MRTFA: variants seen among roughly 807,000 people sequenced by gnomAD.
The protein encoded by MRTFA is myocardin-related transcription factor A.
A neutral mutation model predicts 83.5 loss-of-function variants in MRTFA; 20 were observed. That is an observed-to-expected ratio of 0.24 (90% CI 0.17 to 0.35). The LOEUF (loss-of-function observed/expected upper bound fraction) is 0.35, where lower values mean the gene tolerates loss of function less well. Among genes scored for constraint, MRTFA ranks in the 10% least tolerant of loss-of-function variants. The pLI is 1.00. For missense variants in MRTFA, 1,200 were observed against 1,224.7 expected (o/e 0.98, Z 0.30); for synonymous variants, 659 against 541.2 (o/e 1.22, Z -3.02).
Position 40,410,944 on chromosome 22 carries a change from G to C in MRTFA, c.*446C>G, listed in dbSNP as rs2052507773. On this transcript the variant is annotated 3_prime_UTR_variant, in exon 15 of 15. Coordinates refer to ENST00000355630, the MANE Select transcript of MRTFA (RefSeq NM_020831.6). ...TGGCAGACACAGGGAATAGGGGGTA[G>C]AGGCCCAGGCTAATTTCTCCCTTCA... The C allele has an allele frequency of 4.2e-6, 1 of 235,562 alleles. No homozygotes were observed. The highest frequency in any genetic ancestry group is 5.7e-5 in the Admixed American group (1 of 17,684). 14.6% of individuals were successfully genotyped at this position (235,562 alleles called of 1,614,324 possible). A position where few individuals can be genotyped will look rare whatever the true frequency, so the allele number is the denominator to read the frequency against.
chr22:40,411,428 C>A lies in MRTFA; in HGVS notation c.3058G>T (p.Gly1020Cys). The change falls in exon 15 of 15, where the codon GGC becomes TGC. Residue 1020 changes from glycine (G) to cysteine (C), a missense_variant. Physicochemically the swap from Gly to Cys is radical, Grantham distance 159. Around this residue, in one of 2 missense-constraint regions of MRTFA, gnomAD observed 1,107 missense variants for 1,041.8 expected, o/e 1.06. Transcript: ENST00000355630. ...TCCCAGTGCAGCTGCAAATCATGGC[C>A]ATCGAGGAAGTCTGTGGAGAAGAGG... 6.3e-7 allele frequency: 1 copy of A among 1,577,310 alleles called. No homozygotes were observed. Among genetic ancestry groups the A allele is most frequent in the South Asian group, 1.1e-5 (1 of 87,990 alleles).
chr22:40,536,061 C>T (rs1448527385), intron 3 of MRTFA, among the ~76,000 whole-genome samples: 3 of 150,622 alleles, frequency 2.0e-5, no homozygotes, highest in South Asian at 2.1e-4. Context: ...GTAGGCCAAA[C>T]GGGAGGGTGG....
At chr22:40,452,276 G>A (rs1022548205) in intron 4 of MRTFA, among the ~76,000 whole-genome samples, 6 of 152,086 alleles carry the variant, frequency 3.9e-5, no homozygotes, top group African/African-American at 7.2e-5. Flanking sequence ...AAGCTATCGC[G>A]CCTGGCCTGA....
intron 3 of MRTFA, among the ~76,000 whole-genome samples, chr22:40,509,883 A>G (rs1821103842): frequency 1.3e-5 from 2 of 150,762 alleles, no homozygotes; most frequent in Admixed American, 6.6e-5. Flanking sequence ...ACATTTCTCA[A>G]TGACGCAGGC....
intron 4 of MRTFA, among the ~76,000 whole-genome samples, chr22:40,442,807 G>A (rs2053302237): frequency 1.3e-5 from 2 of 152,178 alleles, no homozygotes; most frequent in African/African-American, 4.8e-5. Flanking sequence ...TGGGGAGATA[G>A]CTGAGGCTAA....
intron 2 of MRTFA, among the ~76,000 whole-genome samples, chr22:40,554,800 C>T (rs1330238738): frequency 6.6e-6 from 1 of 152,202 alleles, no homozygotes; most frequent in African/African-American, 2.4e-5. Flanking sequence ...GCTCTCCAGA[C>T]CCCCGAATGG....
At chr22:40,463,147 C>T (rs907542472) in intron 4 of MRTFA, 74 bp downstream of exon 4, 4 of 1,267,864 alleles carry the variant, frequency 3.2e-6, no homozygotes, top group Non-Finnish European at 4.6e-6. Context: ...TTAGATGCTT[C>T]CCATGGCATA....
At chr22:40,586,900 CTGGTGCT>C in intron 2 of MRTFA, 1 of 433,488 alleles carries the variant, frequency 2.3e-6, no homozygotes, top group South Asian at 1.7e-5. Flanking sequence ...GCTGGTGCTG[CTGGTGCT>C]GCTGGTGCTG....
At chr22:40,552,041 G>A (rs962111256) in intron 3 of MRTFA, 65 bp downstream of exon 3, 7 of 396,868 alleles carry the variant, frequency 1.8e-5, no homozygotes, top group Non-Finnish European at 3.1e-5. Context: ...GTAAGAATCT[G>A]TAACATTATA....
At chr22:40,577,742 G>A (rs1273443518) in intron 2 of MRTFA, among the ~76,000 whole-genome samples, 2 of 151,810 alleles carry the variant, frequency 1.3e-5, no homozygotes. Context: ...GAGTAGCTGG[G>A]ATTACAGGCA....
intron 12 of MRTFA, among the ~76,000 whole-genome samples, chr22:40,417,995 T>C (rs2052722789): frequency 6.6e-6 from 1 of 152,084 alleles, no homozygotes; most frequent in South Asian, 2.1e-4. Context: ...CTGAGCTGGA[T>C]CCTGGCCAGA....
intron 3 of MRTFA, chr22:40,523,122 T>C (rs936278235): frequency 2.6e-4 from 38 of 146,660 alleles, no homozygotes; most frequent in African/African-American, 9.0e-4. Context: ...TGAAGAAAAA[T>C]GGCAAAAAAA....
intron 2 of MRTFA, among the ~76,000 whole-genome samples, chr22:40,579,945 A>G (rs746522914): frequency 1.3e-5 from 2 of 152,158 alleles, no homozygotes; most frequent in Admixed American, 1.3e-4. Context: ...CACTTTTAGT[A>G]AGAATTCATT....
At chr22:40,525,449 C>A (rs2054952023) in intron 3 of MRTFA, among the ~76,000 whole-genome samples, 1 of 151,810 alleles carries the variant, frequency 6.6e-6, no homozygotes, top group African/African-American at 2.4e-5. Flanking sequence ...TACAGTGAGC[C>A]GAGATCCCAC....
chr22:40,589,063 C>G (rs189723694), intron 2 of MRTFA, among the ~76,000 whole-genome samples: 5 of 152,086 alleles, frequency 3.3e-5, no homozygotes, highest in African/African-American at 1.2e-4. Flanking sequence ...GTGCCGAAAT[C>G]TTATATTCAA....
At chr22:40,610,729 A>G (rs1228019489) in intron 1 of MRTFA, among the ~76,000 whole-genome samples, 1 of 152,172 alleles carries the variant, frequency 6.6e-6, no homozygotes, top group African/African-American at 2.4e-5. Context: ...TATTAGATAC[A>G]TAAGAAAGAA....
rs377661800 is a variant in MRTFA at position 40,624,730 on chromosome 22, ATAAT to A, written c.-84+11744_-84+11747del. ...TCCAAATAGAATAAAAGGTTACACT[ATAAT>A]TAACTCAGCGTTATTTGGGAAGCCA... On this transcript the variant is annotated intron_variant, in intron 1 of 14. Transcript: ENST00000355630. Among the ~76,000 whole-genome samples the A allele has an allele frequency of 4.9e-4, 74 of 152,344 alleles. 1 individual carries two copies. The East Asian group carries it at 0.013, about 27-fold the overall frequency.
intron 3 of MRTFA, among the ~76,000 whole-genome samples, chr22:40,476,160 G>C (rs1353037498): frequency 1.3e-5 from 2 of 151,684 alleles, no homozygotes; most frequent in African/African-American, 4.8e-5. Flanking sequence ...AAAAAAGGGG[G>C]GGGGTCTTGA....
At chr22:40,422,379 C>T (rs1023401121) in intron 9 of MRTFA, among the ~76,000 whole-genome samples, 7 of 152,068 alleles carry the variant, frequency 4.6e-5, no homozygotes, top group Admixed American at 2.6e-4. Context: ...TTCTTCCAAA[C>T]GTGGTAGGCA....
Sources: gnomAD v4.1 joint callset for allele counts (sites outside exome capture counted in the v4.1 genomes callset) on GRCh38, gnomAD v4.1.1 for gene constraint, gnomAD v4.1.1 regional missense constraint, MANE v1.5 for transcripts, NCBI Gene and HGNC (gene_info 2026-07-23, HGNC 2026-07-21) for gene names.